Variants in TDRD9 observed in about 807,000 individuals in gnomAD.
TDRD9 encodes tudor domain containing 9.
In TDRD9, 124 loss-of-function variants were observed where a neutral mutation model predicts 172.6. The ratio of observed to expected loss-of-function variants is 0.72; its 90% confidence interval spans 0.62 to 0.83. The LOEUF (loss-of-function observed/expected upper bound fraction) is 0.83, where lower values mean the gene tolerates loss of function less well. TDRD9 is among the 40% of genes least tolerant of loss of function. TDRD9 has a pLI of 0.00. For synonymous variants in TDRD9, 619 were observed against 617.1 expected, an observed-to-expected ratio of 1.00 and a Z score of -0.05; for missense variants, 1,479 against 1,714.1, an observed-to-expected ratio of 0.86 and a Z score of 2.42.
intron 28 of TDRD9, among the ~76,000 whole-genome samples, chr14:104,028,235 C>T (rs752463499): frequency 6.6e-6 from 1 of 152,052 alleles, no homozygotes; most frequent in Non-Finnish European, 1.5e-5. Context: ...ATTGTATGTT[C>T]GTACTGTTTT....
rs145426114 is a variant in TDRD9 at position 104,014,758 on chromosome 14, A to C, written c.2140A>C (p.Ile714Leu). The C allele has an allele frequency of 1.9e-5, 30 of 1,611,784 alleles. No homozygotes were observed. Among genetic ancestry groups the C allele is most frequent in the Non-Finnish European group, 2.5e-5 (30 of 1,178,742 alleles). ...ATTATATGAAGAATTGAAGACTAGAATCTCACAGTTCAACATGCATGTTGA... is the reference window on the plus strand; with the variant it reads ...ATTATATGAAGAATTGAAGACTAGACTCTCACAGTTCAACATGCATGTTGA... ...AELYEELKTR[I>L]SQFNMHVDSR... Residue 714 changes from isoleucine to leucine, a missense_variant, in exon 21 of 36, where the codon ATC becomes CTC. Physicochemically the swap from Ile to Leu is conservative, Grantham distance 5 (BLOSUM62 2). Around this residue, in one of 3 missense-constraint regions of TDRD9, gnomAD observed 1,413 missense variants for 1,649.1 expected, o/e 0.86. Coordinates refer to ENST00000409874, the MANE Select transcript of TDRD9 (RefSeq NM_153046.3).
intron 23 of TDRD9, among the ~76,000 whole-genome samples, chr14:104,020,052 A>C (rs2034907117): frequency 6.6e-6 from 1 of 152,174 alleles, no homozygotes; most frequent in African/African-American, 2.4e-5. Context: ...CTGTGCACAC[A>C]TAGCTGGTAG....
intron 19 of TDRD9, 45 bp from the exon 20 acceptor site, chr14:104,008,368 A>T (rs2034510896): frequency 2.6e-6 from 3 of 1,138,056 alleles, no homozygotes; most frequent in Non-Finnish European, 2.6e-6. Context: ...TTCAGCTCTA[A>T]TTTATTACCT....
chr14:103,963,119 C>T lies in TDRD9; in HGVS notation c.363C>T (p.Cys121=), dbSNP rs1050328421. ...TGGCTAAATTAAGCAGTGTGACATG[C>T]ATCCCAGGGACAACTTATAAATATC... The part of the protein sequence containing the change: ...PSLAKLSSVT[C]IPGTTYKYPD... Residue 121 remains cysteine, a synonymous_variant, in exon 3 of 36, where the codon TGC becomes TGT. Transcript: ENST00000409874. The T allele has an allele frequency of 1.1e-5, 17 of 1,549,174 alleles. No individual in the cohort carries two copies. Among genetic ancestry groups the T allele is most frequent in the Admixed American group, 4.0e-5 (2 of 50,606 alleles).
rs556985853 is a variant in TDRD9, at chr14:103,942,078, G to T, written c.215+13354G>T. The T allele has an allele frequency of 4.2e-5, 8 of 190,256 alleles. No individual in the cohort carries two copies. The South Asian group carries it at 7.7e-4, about 18-fold the overall frequency. 11.8% of individuals were successfully genotyped at this position (190,256 alleles called of 1,614,324 possible). A position where few individuals can be genotyped will look rare whatever the true frequency, so the allele number is the denominator to read the frequency against. On this transcript the variant is annotated intron_variant, in intron 1 of 35. Coordinates refer to ENST00000409874, the MANE Select transcript of TDRD9 (RefSeq NM_153046.3). The stretch of plus-strand genomic sequence containing the variant: ...TTTGATTTATGTTTTGGACAGAAAA[G>T]GTTTAAAGCTTACCTGTTAAGTTGA...
At chr14:104,004,011 CTATT>C (rs1245016525) in intron 13 of TDRD9, among the ~76,000 whole-genome samples, 1 of 152,020 alleles carries the variant, frequency 6.6e-6, no homozygotes, top group East Asian at 1.9e-4. Context: ...TAGTCTTGTT[CTATT>C]TATTCTAATT....
intron 7 of TDRD9, among the ~76,000 whole-genome samples, chr14:103,976,142 C>T (rs1401661542): frequency 6.6e-6 from 1 of 152,166 alleles, no homozygotes; most frequent in African/African-American, 2.4e-5. Context: ...ATTTATCTTT[C>T]TGTGCCTGAC....
At chr14:104,029,508 T>G (rs2152249189) in intron 28 of TDRD9, among the ~76,000 whole-genome samples, 1 of 152,334 alleles carries the variant, frequency 6.6e-6, no homozygotes, top group Non-Finnish European at 1.5e-5. Context: ...CTACTGATTT[T>G]TGTATACTGA....
intron 13 of TDRD9, among the ~76,000 whole-genome samples, chr14:104,000,477 A>T (rs1277923818): frequency 1.3e-5 from 2 of 151,088 alleles, no homozygotes; most frequent in Non-Finnish European, 2.9e-5. Flanking sequence ...TTTCTAAAAA[A>T]CTATGCTTAA....
intron 8 of TDRD9, among the ~76,000 whole-genome samples, chr14:103,989,845 T>G (rs1192394830): frequency 1.3e-5 from 2 of 152,218 alleles, no homozygotes; most frequent in African/African-American, 4.8e-5. Context: ...AGAAGGAGGC[T>G]GGGTCACGTC....
intron 1 of TDRD9, among the ~76,000 whole-genome samples, chr14:103,952,194 A>G (rs539085294): frequency 0.05 from 1,334 of 26,802 alleles, 29 homozygotes; most frequent in African/African-American, 0.1. Context: ...GTGTGTGTAT[A>G]TATATATATA....
chr14:103,939,653 C>A lies in TDRD9; in HGVS notation c.215+10929C>A. The A allele has an allele frequency of 1.6e-5, 2 of 125,988 alleles. 1 individual carries two copies. The highest frequency in any genetic ancestry group is 5.1e-4 in the South Asian group (2 of 3,960). 7.8% of individuals were successfully genotyped at this position (125,988 alleles called of 1,614,324 possible). On this transcript the variant is annotated intron_variant, in intron 1 of 35. Transcript: ENST00000409874. ...AAATGGTACACAAGTTGGCCAAGAACGCAGGGAGAATAAAGTTAGGAGGGT... is the reference window on the plus strand; with the variant it reads ...AAATGGTACACAAGTTGGCCAAGAAAGCAGGGAGAATAAAGTTAGGAGGGT...
chr14:104,049,675 A>G lies in TDRD9; in HGVS notation c.4042A>G (p.Asn1348Asp). The change falls in exon 35 of 36, where the codon AAT becomes GAT. Residue 1348 changes from asparagine (N) to aspartate (D), a missense_variant. Asn to Asp is a conservative substitution (Grantham distance 23, BLOSUM62 1). This residue lies in a region of TDRD9 where 1,413 missense variants were observed against 1,649.1 expected (regional missense o/e 0.86). Transcript: ENST00000409874. Reference sequence around the variant, plus strand: ...GTGGCATGAAAAGCCCTACGAGTGGAATCAGGTGAGTGGGACGCAGGCTGC... The same window carrying G: ...GTGGCATGAAAAGCCCTACGAGTGGGATCAGGTGAGTGGGACGCAGGCTGC... ...PKWHEKPYEW[N>D]QVDPKLVMEQ... 6.3e-7 allele frequency: 1 copy of G among 1,584,586 alleles called. No individual in the cohort carries two copies. Among genetic ancestry groups the G allele is most frequent in the Non-Finnish European group, 8.6e-7 (1 of 1,165,452 alleles).
intron 1 of TDRD9, among the ~76,000 whole-genome samples, chr14:103,930,166 G>A (rs1381276404): frequency 6.6e-6 from 1 of 151,888 alleles, no homozygotes; most frequent in Non-Finnish European, 1.5e-5. Context: ...CAGTTGAGAA[G>A]GTGGTTTTGT....
In TDRD9 at chr14:103,938,402, GTGTGTGTGTGTGTA is replaced by G. The variant is rs1306437929; in HGVS notation, c.215+9680_215+9693del. Among the ~76,000 whole-genome samples, 189 of 60,864 alleles carry G rather than the reference GTGTGTGTGTGTGTA, an allele frequency of 3.1e-3. 1 individual carries two copies. The highest frequency in any genetic ancestry group is 4.8e-3 in the Admixed American group (20 of 4,148). 39.9% of individuals were successfully genotyped at this position (60,864 alleles called of 152,430 possible). A position where few individuals can be genotyped will look rare whatever the true frequency, so the allele number is the denominator to read the frequency against. On this transcript the variant is annotated intron_variant, in intron 1 of 35. Transcript: ENST00000409874. ...CATATATGTGTGTGTGTGTGTGTGT[GTGTGTGTGTGTGTA>G]TATATATATATATATATATATATAT...
At chr14:104,032,124 T>C (rs1240263577) in intron 30 of TDRD9, 37 bp downstream of exon 30, 2 of 1,329,474 alleles carry the variant, frequency 1.5e-6, no homozygotes, top group African/African-American at 2.9e-5. Flanking sequence ...ATTTTTTTTC[T>C]CTGCTTTTCT....
intron 1 of TDRD9, chr14:103,945,578 A>G (rs1271825147): frequency 1.3e-5 from 2 of 152,344 alleles, no homozygotes; most frequent in East Asian, 1.9e-4. Context: ...AGTTGAAAAA[A>G]TGAATTGTTT....
chr14:104,018,393 A>G (rs7148336), intron 23 of TDRD9, among the ~76,000 whole-genome samples: 5 of 152,218 alleles, frequency 3.3e-5, no homozygotes, highest in African/African-American at 1.2e-4. Context: ...GACCTCCTAA[A>G]GGAACTAAGC....
chr14:104,014,492 G>C (rs1370958947), intron 20 of TDRD9, among the ~76,000 whole-genome samples: 1 of 151,918 alleles, frequency 6.6e-6, no homozygotes, highest in Non-Finnish European at 1.5e-5. Flanking sequence ...TGTTGCCCGG[G>C]CTGGTTTCAA....
Sources: allele counts gnomAD v4.1 joint callset (sites outside exome capture counted in the v4.1 genomes callset), GRCh38; gene constraint gnomAD v4.1.1; regional missense constraint gnomAD v4.1.1; transcripts MANE v1.5; gene names NCBI Gene and HGNC (gene_info 2026-07-23, HGNC 2026-07-21).